Variants in TSPAN32 observed in about 807,000 individuals in gnomAD.
The protein encoded by TSPAN32 is tetraspanin-32.
A neutral mutation model predicts 42.7 loss-of-function variants in TSPAN32; 47 were observed. The observed-to-expected ratio is 1.10, with a 90% CI of 0.87 to 1.40. TSPAN32 has a LOEUF of 1.40. Among genes scored for constraint, TSPAN32 ranks in the 40% most tolerant of loss-of-function variants. The pLI is 0.00. For synonymous variants in TSPAN32, 175 were observed against 175.9 expected (o/e 0.99, Z 0.04); for missense variants, 469 against 424.1 (o/e 1.11, Z -0.93).
intron 6 of TSPAN32, chr11:2,315,063 C>G (rs1364959275): frequency 5.3e-6 from 1 of 186,944 alleles, no homozygotes. Context: ...AGGGCTTCAG[C>G]AACAACAGAG....
Position 2,302,173 on chromosome 11 carries a change from G to T in TSPAN32, c.24G>T (p.Arg8Ser). 7.0e-7 allele frequency: 1 copy of T among 1,422,944 alleles called. No homozygotes were observed. Among genetic ancestry groups the T allele is most frequent in the Non-Finnish European group, 9.2e-7 (1 of 1,084,004 alleles). The allele number at this position is 1,422,944 out of a possible 1,614,324, so 88.1% of individuals were successfully genotyped here. A position where few individuals can be genotyped will look rare whatever the true frequency, so the allele number is the denominator to read the frequency against. Reference protein sequence around the residue: MGPWSRVRVAKCQMLVTC... With the variant: MGPWSRVSVAKCQMLVTC... ...TCATGGGGCCTTGGAGTCGAGTCAG[G>T]GTTGCCAAATGCCAGATGCTGGTCA... Residue 8 changes from arginine to serine, a missense_variant, in exon 1 of 10, where the codon AGG becomes AGT. Physicochemically the swap from Arg to Ser is moderately radical, Grantham distance 110 (BLOSUM62 -1). Transcript: ENST00000182290.
rs1245533305 is a variant in TSPAN32, at chr11:2,313,358, AGCGGAGGCGGAC to A, written c.355-293_355-282del. On this transcript the variant is annotated intron_variant, in intron 4 of 9. Transcript: ENST00000182290. This position sits in a 1 kb window ranked among gnomAD's most constrained non-coding sequence, Gnocchi z 9.1. Reference sequence around the variant, plus strand: ...CTGTGGGCCAACCTTGTAAGACCACAGCGGAGGCGGACGCAGAGCTTGGCCTCTGCTTTATCC... The same window carrying A: ...CTGTGGGCCAACCTTGTAAGACCACAGCAGAGCTTGGCCTCTGCTTTATCC... 6.6e-6 allele frequency among the ~76,000 whole-genome samples: 1 copy of A among 152,234 alleles called. No individual in the cohort carries two copies. Among genetic ancestry groups the A allele is most frequent in the African/African-American group, 2.4e-5 (1 of 41,452 alleles).
chr11:2,316,532 C>G, intron 7 of TSPAN32, 44 bp from the exon 8 acceptor site: 1 of 1,609,564 alleles, frequency 6.2e-7, no homozygotes. Flanking sequence ...GAGGGGCGCC[C>G]GCACCCTGGG....
Position 2,313,057 on chromosome 11 carries a change from C to G in TSPAN32, c.355-597C>G, listed in dbSNP as rs528117849. 1.2e-4 allele frequency among the ~76,000 whole-genome samples: 19 copies of G among 152,312 alleles called. No individual in the cohort carries two copies. The East Asian group carries it at 3.7e-3, about 29-fold the overall frequency. ...GTGGAGCGCAGGCAGCACATCCAGCCAGGCCCCGTCACCTTCCACCTTCTT... is the reference window on the plus strand; with the variant it reads ...GTGGAGCGCAGGCAGCACATCCAGCGAGGCCCCGTCACCTTCCACCTTCTT... On this transcript the variant is annotated intron_variant, in intron 4 of 9. Coordinates refer to ENST00000182290, the MANE Select transcript of TSPAN32 (RefSeq NM_139022.3). This position sits in a 1 kb window ranked among gnomAD's most constrained non-coding sequence, Gnocchi z 9.1.
chr11:2,302,174 G>T lies in TSPAN32; in HGVS notation c.25G>T (p.Val9Phe), dbSNP rs778131898. 2 of 1,420,244 alleles carry T rather than the reference G, an allele frequency of 1.4e-6. No homozygotes were observed. The highest frequency in any genetic ancestry group is 2.5e-5 in the East Asian group (1 of 39,568). The allele number at this position is 1,420,244 out of a possible 1,614,324, so 88.0% of individuals were successfully genotyped here. A position where few individuals can be genotyped will look rare whatever the true frequency, so the allele number is the denominator to read the frequency against. Reference sequence around the variant, plus strand: ...CATGGGGCCTTGGAGTCGAGTCAGGGTTGCCAAATGCCAGATGCTGGTCAC... The same window carrying T: ...CATGGGGCCTTGGAGTCGAGTCAGGTTTGCCAAATGCCAGATGCTGGTCAC... MGPWSRVRVAKCQMLVTCF... is the reference protein window; with the variant it reads MGPWSRVRFAKCQMLVTCF... Residue 9 changes from valine (V) to phenylalanine (F), a missense_variant, in exon 1 of 10, where the codon GTT becomes TTT. By Grantham distance (50) the Val-to-Phe change is conservative. Transcript: ENST00000182290.
intron 4 of TSPAN32, 67 bp downstream of exon 4, chr11:2,308,877 T>C: frequency 9.1e-7 from 1 of 1,093,616 alleles, no homozygotes; most frequent in Admixed American, 2.1e-5. Flanking sequence ...ACCTGGGGAC[T>C]GGGGAGCAGT....
intron 4 of TSPAN32, 22 bp downstream of exon 4, chr11:2,308,832 C>CCTCCA: frequency 2.6e-6 from 4 of 1,528,474 alleles, no homozygotes; most frequent in Non-Finnish European, 3.6e-6. Context: ...CTGCCCCTAC[C>CCTCCA]CTGCAGTGGA....
chr11:2,308,463 CCAACA>C (rs1333523786), intron 3 of TSPAN32, among the ~76,000 whole-genome samples: 33,661 of 57,904 alleles, frequency 0.58, 16,623 homozygotes, highest in Non-Finnish European at 0.67. Context: ...TGACCAGCCC[CCAACA>C]GTGACCAGCC....
In TSPAN32 at chr11:2,304,161, G is replaced by A; in HGVS notation, c.236G>A (p.Ser79Asn). 6.3e-7 allele frequency: 1 copy of A among 1,589,252 alleles called. No homozygotes were observed. Among genetic ancestry groups the A allele is most frequent in the Non-Finnish European group, 8.6e-7 (1 of 1,168,208 alleles). Residue 79 changes from serine (S) to asparagine (N), a missense_variant, in exon 3 of 10, where the codon AGC becomes AAC. Coordinates refer to ENST00000182290, the MANE Select transcript of TSPAN32 (RefSeq NM_139022.3). This position sits in a 1 kb window ranked among gnomAD's most constrained non-coding sequence, Gnocchi z 4.8. ...VGLLTLGAVL[S>N]AAATVREAQG... The stretch of plus-strand genomic sequence containing the variant: ...CTCCTGACTCTGGGAGCCGTGCTGA[G>A]CGCTGCAGCCACCGTGAGGGAGGCC...
In TSPAN32 at chr11:2,318,016, C is replaced by G; in HGVS notation, c.*92C>G. On this transcript the variant is annotated 3_prime_UTR_variant, in exon 10 of 10. Coordinates refer to ENST00000182290, the MANE Select transcript of TSPAN32 (RefSeq NM_139022.3). This position sits in a 1 kb window ranked among gnomAD's most constrained non-coding sequence, Gnocchi z 4.2. The stretch of plus-strand genomic sequence containing the variant: ...TCAGGCTGTTGACAAGTCAACTCCT[C>G]ATGGCTGTAGGACTGAGGTTCCCAA... 1.5e-6 allele frequency: 1 copy of G among 680,900 alleles called. No homozygotes were observed. Among genetic ancestry groups the G allele is most frequent in the South Asian group, 1.6e-5 (1 of 62,482 alleles). The allele number at this position is 680,900 out of a possible 1,614,324, so 42.2% of individuals were successfully genotyped here.
chr11:2,314,448 G>C (rs202094488), intron 5 of TSPAN32, 37 bp from the exon 6 acceptor site: 657 of 1,563,522 alleles, frequency 4.2e-4, no homozygotes, highest in Non-Finnish European at 5.6e-4. Context: ...TGGGGTCTCG[G>C]GAGCACATCA....
Position 2,317,654 on chromosome 11 carries a change from T to C in TSPAN32, c.901+129T>C. On this transcript the variant is annotated intron_variant, in intron 9 of 9. Coordinates refer to ENST00000182290, the MANE Select transcript of TSPAN32 (RefSeq NM_139022.3). This position sits in a 1 kb window ranked among gnomAD's most constrained non-coding sequence, Gnocchi z 6.2. ...TGGGAACAGATGCAAGGGTAAGGGG[T>C]AGCTCACCAAATCCCTCCATGGGAA... is the stretch of plus-strand genomic sequence containing the variant. 7.4e-6 allele frequency: 11 copies of C among 1,478,376 alleles called. No homozygotes were observed. Among genetic ancestry groups the C allele is most frequent in the Non-Finnish European group, 9.8e-6 (11 of 1,121,510 alleles). The allele number at this position is 1,478,376 out of a possible 1,614,324, so 91.6% of individuals were successfully genotyped here.
chr11:2,315,046 T>G, intron 6 of TSPAN32: 1 of 52,518 alleles, frequency 1.9e-5, no homozygotes, highest in Non-Finnish European at 3.9e-5. Context: ...TAGGCCAGGG[T>G]GTGGCCAGGG....
chr11:2,312,056 G>GCAGGCAGAGC (rs1401358200), intron 4 of TSPAN32, among the ~76,000 whole-genome samples: 3 of 151,944 alleles, frequency 2.0e-5, no homozygotes, highest in Non-Finnish European at 4.4e-5. Flanking sequence ...GGCAGGCAGG[G>GCAGGCAGAGC]CAGGCAGAGC....
rs1848789024 is a variant in TSPAN32 at position 2,316,310 on chromosome 11, A to G, written c.625A>G (p.Thr209Ala). 1 of 1,598,204 alleles carries G rather than the reference A, an allele frequency of 6.3e-7. No homozygotes were observed. Among genetic ancestry groups the G allele is most frequent in the African/African-American group, 1.3e-5 (1 of 74,788 alleles). ...SSLTSIGLAL[T>A]VSALLFSSFL... ...CCTGACCAGCATCGGCCTGGCCCTCACGGTACCCTCTCGCCTCCCTCACTG... is the reference window on the plus strand; with the variant it reads ...CCTGACCAGCATCGGCCTGGCCCTCGCGGTACCCTCTCGCCTCCCTCACTG... Residue 209 changes from threonine to alanine, a missense_variant and splice_region_variant, in exon 7 of 10, where the codon ACG (threonine) becomes GCG (alanine). Coordinates refer to ENST00000182290, the MANE Select transcript of TSPAN32 (RefSeq NM_139022.3).
At chr11:2,316,791 G>A in intron 8 of TSPAN32, 124 bp downstream of exon 8, 1 of 1,089,848 alleles carries the variant, frequency 9.2e-7, no homozygotes, top group Non-Finnish European at 1.3e-6. Context: ...CACTGTAGAG[G>A]AAACGCTTTG....
chr11:2,314,171 A>AG (rs1848642769), intron 5 of TSPAN32, among the ~76,000 whole-genome samples: 1 of 151,150 alleles, frequency 6.6e-6, no homozygotes, highest in African/African-American at 2.4e-5. Flanking sequence ...TTAAAAAAAA[A>AG]AAAAAAAGAA....
In TSPAN32 at chr11:2,302,914, G is replaced by A. The variant is rs371441475; in HGVS notation, c.137G>A (p.Arg46Gln). Residue 46 changes from arginine (R) to glutamine (Q), a missense_variant, in exon 2 of 10, where the codon CGA (arginine) becomes CAA (glutamine). Arg to Gln is a conservative substitution (Grantham distance 43). Transcript: ENST00000182290. ...GGGGCCCACTTTGCTGTCATCCGCC[G>A]AGCGTCCCTGGAGAAGAACCCGTAC... ...YFGAHFAVIR[R>Q]ASLEKNPYQA... is the part of the protein sequence containing the mutation. The A allele has an allele frequency of 3.1e-6, 5 of 1,613,684 alleles. No individual in the cohort carries two copies. In the South Asian group the frequency reaches 3.3e-5, roughly 11 times the overall value.
rs2074023 is a variant in TSPAN32 at position 2,304,351 on chromosome 11, C to T, written c.279+147C>T. Reference sequence around the variant, plus strand: ...GGATGCTGGCCAGCCGAGACCCCCACGTCAACCCCACACCTGAGTATCTAG... The same window carrying T: ...GGATGCTGGCCAGCCGAGACCCCCATGTCAACCCCACACCTGAGTATCTAG... On this transcript the variant is annotated intron_variant, in intron 3 of 9. Transcript: ENST00000182290. The surrounding 1 kb of genome is among the most constrained non-coding windows in gnomAD (Gnocchi z 4.8). 218,700 of 604,424 alleles carry T rather than the reference C, an allele frequency of 0.36. 40,974 individuals are homozygous for T. Among genetic ancestry groups the T allele is most frequent in the South Asian group, 0.4 (19,729 of 49,516 alleles). 37.4% of individuals were successfully genotyped at this position (604,424 alleles called of 1,614,324 possible).
Sources: allele counts gnomAD v4.1 joint callset (sites outside exome capture counted in the v4.1 genomes callset), GRCh38; gene constraint gnomAD v4.1.1; non-coding constraint Gnocchi (gnomAD v3.1); transcripts MANE v1.5; gene names NCBI Gene and HGNC (gene_info 2026-07-23, HGNC 2026-07-21).